SLC35F4: variants seen among roughly 807,000 people sequenced by gnomAD.
SLC35F4 encodes chromosome 14 open reading frame 36.
SLC35F4 carries 24 observed loss-of-function variants against 44.2 expected under a neutral mutation model. The observed-to-expected ratio is 0.54, with a 90% confidence interval of 0.39 to 0.76. The LOEUF (loss-of-function observed/expected upper bound fraction) is 0.76. SLC35F4 is among the 30% of genes least tolerant of loss of function. The pLI is 0.00. For synonymous variants in SLC35F4, 238 were observed against 223.6 expected, an observed-to-expected ratio of 1.06 and a Z score of -0.57; for missense variants, 562 against 586.1, an observed-to-expected ratio of 0.96 and a Z score of 0.42.
intron 1 of SLC35F4, among the ~76,000 whole-genome samples, chr14:57,770,662 G>A (rs1407503356): frequency 6.6e-6 from 1 of 152,114 alleles, no homozygotes; most frequent in Admixed American, 6.5e-5. Context: ...CAGTGCAGGG[G>A]TGGGCAACTG....
chr14:57,853,412 G>A (rs1440454551), intron 1 of SLC35F4, among the ~76,000 whole-genome samples: 1 of 152,172 alleles, frequency 6.6e-6, no homozygotes, highest in East Asian at 1.9e-4. Flanking sequence ...TAAGTTAAGT[G>A]TCAAACCAAT....
chr14:57,581,470 A>T, intron 3 of SLC35F4, 37 bp from the exon 4 acceptor site: 1 of 1,549,938 alleles, frequency 6.5e-7, no homozygotes, highest in Non-Finnish European at 8.8e-7. Flanking sequence ...CCAGGTACTG[A>T]TGGTGACACC....
At chr14:57,965,419 T>C (rs186134815) in intron 1 of SLC35F4, among the ~76,000 whole-genome samples, 1 of 152,268 alleles carries the variant, frequency 6.6e-6, no homozygotes, top group East Asian at 1.9e-4. Context: ...AACCTCGCTA[T>C]CTTGAGATTG....
chr14:57,762,547 C>G (rs546432073), intron 1 of SLC35F4, among the ~76,000 whole-genome samples: 1 of 152,254 alleles, frequency 6.6e-6, no homozygotes, highest in East Asian at 1.9e-4. Flanking sequence ...GTGTCCCCAT[C>G]AAAACTCATG....
intron 3 of SLC35F4, among the ~76,000 whole-genome samples, chr14:57,584,452 ACTT>A (rs1334997219): frequency 1.3e-5 from 2 of 152,172 alleles, no homozygotes; most frequent in African/African-American, 4.8e-5. Flanking sequence ...TTCTGGAGTA[ACTT>A]CTTGGCAGAT....
At chr14:57,959,439 C>A (rs1281758383) in intron 1 of SLC35F4, among the ~76,000 whole-genome samples, 3 of 152,078 alleles carry the variant, frequency 2.0e-5, no homozygotes, top group Admixed American at 2.0e-4. Context: ...AGTAACACAG[C>A]CTGAGGAAGA....
intron 1 of SLC35F4, among the ~76,000 whole-genome samples, chr14:57,804,989 A>C (rs1354570872): frequency 6.6e-6 from 1 of 152,230 alleles, no homozygotes; most frequent in Non-Finnish European, 1.5e-5. Flanking sequence ...TCAAAAGAAG[A>C]CATACAGGTG....
intron 1 of SLC35F4, among the ~76,000 whole-genome samples, chr14:57,736,591 G>A (rs2076470463): frequency 6.6e-6 from 1 of 152,192 alleles, no homozygotes; most frequent in Non-Finnish European, 1.5e-5. Context: ...CCAGGAGGCA[G>A]CTGATCAGCA....
At chr14:57,579,397 C>A (rs2139790270) in intron 4 of SLC35F4, 1 of 152,204 alleles carries the variant, frequency 6.6e-6, no homozygotes, top group East Asian at 1.9e-4. Flanking sequence ...TTTTCTTTTT[C>A]TCTAAAATAC....
intron 1 of SLC35F4, among the ~76,000 whole-genome samples, chr14:57,884,785 C>CA (rs1301786097): frequency 1.3e-5 from 2 of 151,874 alleles, no homozygotes; most frequent in East Asian, 1.9e-4. Flanking sequence ...TATTATAAAA[C>CA]AAAAAATAAT....
chr14:57,936,560 C>T (rs1017919605), intron 1 of SLC35F4, among the ~76,000 whole-genome samples: 1 of 152,154 alleles, frequency 6.6e-6, no homozygotes, highest in African/African-American at 2.4e-5. Context: ...GTTTGGTTGT[C>T]GCAGCCAGGA....
chr14:57,620,419 A>C (rs932457664), intron 1 of SLC35F4, among the ~76,000 whole-genome samples: 1 of 152,180 alleles, frequency 6.6e-6, no homozygotes, highest in African/African-American at 2.4e-5. Context: ...TTCAACCCAG[A>C]ATTTCATATC....
chr14:57,610,239 A>G (rs2071412666), intron 1 of SLC35F4, among the ~76,000 whole-genome samples: 1 of 152,216 alleles, frequency 6.6e-6, no homozygotes, highest in Non-Finnish European at 1.5e-5. Flanking sequence ...CAGGTAAATT[A>G]TAACCCAATA....
chr14:57,734,851 T>C (rs1024792440), intron 1 of SLC35F4, among the ~76,000 whole-genome samples: 2 of 152,200 alleles, frequency 1.3e-5, no homozygotes, highest in Admixed American at 6.5e-5. Context: ...GGTGACTTCA[T>C]TGCCTATGAA....
chr14:57,881,838 A>C (rs763047716), intron 1 of SLC35F4, among the ~76,000 whole-genome samples: 26 of 152,266 alleles, frequency 1.7e-4, no homozygotes, highest in Non-Finnish European at 3.5e-4. Context: ...TCAAATATAT[A>C]ACGTAAATAG....
intron 1 of SLC35F4, among the ~76,000 whole-genome samples, chr14:57,875,946 G>A (rs73294870): frequency 0.035 from 5,344 of 152,202 alleles, 323 homozygotes; most frequent in African/African-American, 0.12. Flanking sequence ...TAGAATTCCT[G>A]GGTTCTAGAT....
At chr14:57,611,649 G>T (rs2071515001) in intron 1 of SLC35F4, among the ~76,000 whole-genome samples, 1 of 151,928 alleles carries the variant, frequency 6.6e-6, no homozygotes, top group African/African-American at 2.4e-5. Flanking sequence ...AACAAGACAA[G>T]GAGATTGAAA....
At chr14:57,691,163 A>G (rs1049868953) in intron 1 of SLC35F4, among the ~76,000 whole-genome samples, 1 of 152,200 alleles carries the variant, frequency 6.6e-6, no homozygotes, top group African/African-American at 2.4e-5. Context: ...GAAAAAAAGA[A>G]AGAAAGGGAG....
At chr14:57,647,422 C>G (rs1465949018) in intron 1 of SLC35F4, among the ~76,000 whole-genome samples, 5 of 151,598 alleles carry the variant, frequency 3.3e-5, no homozygotes, top group Admixed American at 3.3e-4. Flanking sequence ...TGAAGTCTAA[C>G]AACCTTCAAA....
Sources: gnomAD v4.1 joint callset for allele counts (sites outside exome capture counted in the v4.1 genomes callset) on GRCh38, gnomAD v4.1.1 for gene constraint, MANE v1.5 for transcripts, NCBI Gene and HGNC (gene_info 2026-07-23, HGNC 2026-07-21) for gene names.